CRYM: variants seen among roughly 807,000 people sequenced by gnomAD.
The protein encoded by CRYM is ketimine reductase mu-crystallin.
A neutral mutation model predicts 32.9 loss-of-function variants in CRYM; 18 were observed. That is an observed-to-expected ratio of 0.55 (90% confidence interval 0.38 to 0.81). The LOEUF (loss-of-function observed/expected upper bound fraction) is 0.81, where lower values mean the gene tolerates loss of function less well. Ranked by LOEUF, CRYM falls within the 30% of genes least tolerant of loss-of-function variation. The pLI is 0.00. For missense variants in CRYM, 337 were observed against 393.5 expected (o/e 0.86, Z 1.21); for synonymous variants, 153 against 152.4 (o/e 1.00, Z -0.03).
Position 21,267,722 on chromosome 16 carries a change from G to A in CRYM, c.505C>T (p.Arg169Cys), listed in dbSNP as rs148349291. The A allele has an allele frequency of 2.5e-5, 41 of 1,614,040 alleles. No individual in the cohort carries two copies. Among genetic ancestry groups the A allele is most frequent in the Non-Finnish European group, 3.1e-5 (37 of 1,180,038 alleles). ...FSFKEVRIWN[R>C]TKENAEKFAD... Reference sequence around the variant, plus strand: ...AACTTCTCTGCATTTTCTTTGGTGCGGTTCCATATCCTCACCTTCATTGGG... The same window carrying A: ...AACTTCTCTGCATTTTCTTTGGTGCAGTTCCATATCCTCACCTTCATTGGG... The change falls in exon 5 of 8, where the codon CGC becomes TGC. Residue 169 changes from arginine to cysteine, a missense_variant. Coordinates refer to ENST00000572914, the MANE Select transcript of CRYM (RefSeq NM_001376256.1).
At position 21,269,775 on chromosome 16, in the gene CRYM, C is replaced by G. The variant is rs199823627; in HGVS notation, c.489+15G>C. Reference sequence around the variant, plus strand: ...CCCCTTCCCTCTTCTCTCCCACCCCCACCCCTGGACTTACCTCCTTAAAGG... The same window carrying G: ...CCCCTTCCCTCTTCTCTCCCACCCCGACCCCTGGACTTACCTCCTTAAAGG... On this transcript the variant is annotated intron_variant, in intron 4 of 7. Coordinates refer to ENST00000572914, the MANE Select transcript of CRYM (RefSeq NM_001376256.1). 3.0e-6 allele frequency: 4 copies of G among 1,334,656 alleles called. No individual in the cohort carries two copies. The highest frequency in any genetic ancestry group is 4.7e-5 in the East Asian group (2 of 42,146). The allele number at this position is 1,334,656 out of a possible 1,614,324, so 82.7% of individuals were successfully genotyped here.
rs139100446 is a variant in CRYM at position 21,289,522 on chromosome 16, C to A, written c.-192-10562G>T. Reference sequence around the variant, plus strand: ...TGGATCATGCTTGTTAAAATCCATTCTGCCAATCTCTATCCTTTAATTGGA... The same window carrying A: ...TGGATCATGCTTGTTAAAATCCATTATGCCAATCTCTATCCTTTAATTGGA... On this transcript the variant is annotated intron_variant, in intron 1 of 9. Transcript: ENST00000219599. Among the ~76,000 whole-genome samples the A allele has an allele frequency of 3.9e-5, 6 of 152,282 alleles. No individual in the cohort carries two copies. In the East Asian group the frequency reaches 1.2e-3, roughly 29 times the overall value.
At chr16:21,293,003 A>T (rs1210321575) in intron 1 of CRYM, among the ~76,000 whole-genome samples, 1 of 151,712 alleles carries the variant, frequency 6.6e-6, no homozygotes, top group Non-Finnish European at 1.5e-5. Context: ...TGGATGAATG[A>T]ATAGATGGAT....
At chr16:21,299,848 T>C (rs1338867797) in intron 1 of CRYM, 3 of 152,208 alleles carry the variant, frequency 2.0e-5, no homozygotes, top group Non-Finnish European at 4.4e-5. Flanking sequence ...AATGTAGCAA[T>C]ATTTTGGTGA....
chr16:21,298,788 G>A (rs1245510944), intron 1 of CRYM, among the ~76,000 whole-genome samples: 4 of 152,124 alleles, frequency 2.6e-5, no homozygotes, highest in Non-Finnish European at 4.4e-5. Flanking sequence ...CATTAAGCTC[G>A]ATGTTTGAAA....
chr16:21,290,488 ACACT>A (rs1483182308), intron 1 of CRYM, among the ~76,000 whole-genome samples: 2 of 152,204 alleles, frequency 1.3e-5, no homozygotes, highest in Non-Finnish European at 1.5e-5. Context: ...AAGAATTGTA[ACACT>A]CACCGCAAGG....
intron 1 of CRYM, among the ~76,000 whole-genome samples, chr16:21,293,865 A>G (rs1018126237): frequency 2.6e-5 from 4 of 152,208 alleles, no homozygotes; most frequent in African/African-American, 9.6e-5. Context: ...CAGATAATCA[A>G]TTTAATATGC....
intron 7 of CRYM, among the ~76,000 whole-genome samples, chr16:21,260,377 A>G (rs2093352173): frequency 6.6e-6 from 1 of 151,996 alleles, no homozygotes; most frequent in Non-Finnish European, 1.5e-5. Flanking sequence ...TCAGCTCACT[A>G]CAACCTCCAC....
upstream of CRYM, among the ~76,000 whole-genome samples, chr16:21,283,249 T>C (rs1193258572): frequency 6.6e-6 from 1 of 152,198 alleles, no homozygotes. Flanking sequence ...TGGCACAAAA[T>C]GTACGGGATT....
chr16:21,278,469 G>A (rs1488940009), upstream of CRYM: 3 of 607,378 alleles, frequency 4.9e-6, no homozygotes, highest in African/African-American at 5.6e-5. Context: ...TTCCAGCAAC[G>A]GATTCCCCAA....
intron 5 of CRYM, among the ~76,000 whole-genome samples, chr16:21,266,778 G>A (rs1026460791): frequency 1.2e-4 from 18 of 152,144 alleles, no homozygotes; most frequent in African/African-American, 3.9e-4. Flanking sequence ...GCTGAAGTGG[G>A]TAGAGTGCTT....
At chr16:21,273,546 T>C (rs1012632518) in intron 3 of CRYM, among the ~76,000 whole-genome samples, 1 of 152,200 alleles carries the variant, frequency 6.6e-6, no homozygotes, top group Non-Finnish European at 1.5e-5. Flanking sequence ...TCTGTGATTT[T>C]GATTCAGTAG....
At chr16:21,260,482 T>A (rs1464796233) in intron 7 of CRYM, among the ~76,000 whole-genome samples, 1 of 152,170 alleles carries the variant, frequency 6.6e-6, no homozygotes, top group Non-Finnish European at 1.5e-5. Flanking sequence ...GTATTTTTAG[T>A]AGAGATGGAG....
chr16:21,267,745 G>C lies in CRYM; in HGVS notation c.490-8C>G. The C allele has an allele frequency of 1.2e-6, 2 of 1,614,074 alleles. No individual in the cohort carries two copies. Among genetic ancestry groups the C allele is most frequent in the Non-Finnish European group, 1.7e-6 (2 of 1,179,972 alleles). On this transcript the variant is annotated splice_region_variant and splice_polypyrimidine_tract_variant and intron_variant, in intron 4 of 7. Coordinates refer to ENST00000572914, the MANE Select transcript of CRYM (RefSeq NM_001376256.1). ...GCGGTTCCATATCCTCACCTTCATTGGGAGTAACAAGAAGGATATTGGCGC... is the reference window on the plus strand; with the variant it reads ...GCGGTTCCATATCCTCACCTTCATTCGGAGTAACAAGAAGGATATTGGCGC...
intron 1 of CRYM, among the ~76,000 whole-genome samples, chr16:21,298,886 T>TG (rs1960840210): frequency 6.6e-6 from 1 of 152,206 alleles, no homozygotes; most frequent in African/African-American, 2.4e-5. Context: ...CAAACATGTG[T>TG]TTTTTCAAAC....
intron 5 of CRYM, 141 bp downstream of exon 5, chr16:21,267,413 C>T: frequency 1.1e-6 from 1 of 902,170 alleles, no homozygotes; most frequent in Non-Finnish European, 1.8e-6. Flanking sequence ...TTGTTTTTTT[C>T]AATCTCACAT....
intron 5 of CRYM, among the ~76,000 whole-genome samples, chr16:21,266,796 G>A (rs1169292206): frequency 6.6e-6 from 1 of 152,078 alleles, no homozygotes; most frequent in African/African-American, 2.4e-5. Context: ...CTTGAGGCCA[G>A]GAGTTCGAGA....
chr16:21,290,413 C>G (rs1960611877), intron 1 of CRYM, among the ~76,000 whole-genome samples: 1 of 152,112 alleles, frequency 6.6e-6, no homozygotes, highest in Non-Finnish European at 1.5e-5. Context: ...CACAAACCCA[C>G]TGGAAGGAAG....
At chr16:21,271,964 T>G (rs2093376310) in intron 3 of CRYM, among the ~76,000 whole-genome samples, 1 of 152,036 alleles carries the variant, frequency 6.6e-6, no homozygotes, top group Admixed American at 6.6e-5. Context: ...GTTCAAGCGA[T>G]TCTCATGCCT....
Sources: gnomAD v4.1 joint callset for allele counts (sites outside exome capture counted in the v4.1 genomes callset) on GRCh38, gnomAD v4.1.1 for gene constraint, MANE v1.5 for transcripts, NCBI Gene and HGNC (gene_info 2026-07-23, HGNC 2026-07-21) for gene names.